NRXN3: variants seen among roughly 807,000 people sequenced by gnomAD.
The protein encoded by NRXN3 is neurexin III.
In NRXN3, 32 loss-of-function variants were observed where a neutral mutation model predicts 137.6. The observed-to-expected ratio is 0.23, with a 90% CI of 0.18 to 0.31. The LOEUF (loss-of-function observed/expected upper bound fraction) is 0.31, where lower values mean the gene tolerates loss of function less well. Ranked by LOEUF, NRXN3 falls within the 10% of genes least tolerant of loss-of-function variation. NRXN3 has a pLI of 1.00. For synonymous variants in NRXN3, 798 were observed against 784.5 expected (o/e 1.02, Z -0.29); for missense variants, 1,574 against 2,062.5 (o/e 0.76, Z 4.59).
intron 4 of NRXN3, among the ~76,000 whole-genome samples, chr14:78,507,609 G>A (rs759265166): frequency 2.0e-5 from 3 of 152,222 alleles, no homozygotes; most frequent in South Asian, 2.1e-4. Context: ...ACCCTTCCAC[G>A]TCCTTAAAGT....
chr14:78,707,728 C>T (rs1007955825), intron 6 of NRXN3, among the ~76,000 whole-genome samples: 1 of 152,110 alleles, frequency 6.6e-6, no homozygotes, highest in Non-Finnish European at 1.5e-5. Flanking sequence ...CCCTCAAGTC[C>T]CCAAAGTCCA....
Position 78,923,932 on chromosome 14 carries a change from G to A in NRXN3, c.2276-33310G>A, listed in dbSNP as rs535438122. On this transcript the variant is annotated intron_variant, in intron 10 of 20. Transcript: ENST00000335750. Reference sequence around the variant, plus strand: ...TATATTTCTGTAAGGTTATTCTAAGGTATTTTTTGAGATTCCTTATTAAGA... The same window carrying A: ...TATATTTCTGTAAGGTTATTCTAAGATATTTTTTGAGATTCCTTATTAAGA... Among the ~76,000 whole-genome samples, 32 of 152,198 alleles carry A rather than the reference G, an allele frequency of 2.1e-4. 1 individual carries two copies. The South Asian group carries it at 6.0e-3, about 29-fold the overall frequency.
chr14:78,736,283 T>G (rs1471510626), intron 8 of NRXN3, among the ~76,000 whole-genome samples: 2 of 152,154 alleles, frequency 1.3e-5, no homozygotes, highest in African/African-American at 2.4e-5. Flanking sequence ...GGCAAGATGG[T>G]GTGATGGATA....
intron 4 of NRXN3, among the ~76,000 whole-genome samples, chr14:78,324,825 A>T (rs534787781): frequency 2.6e-5 from 4 of 151,978 alleles, no homozygotes; most frequent in Non-Finnish European, 5.9e-5. Context: ...TGGCTGGGAG[A>T]TGGGAGTGAA....
chr14:79,310,923 AT>A (rs2087147232), intron 15 of NRXN3, among the ~76,000 whole-genome samples: 1 of 95,708 alleles, frequency 1.0e-5, no homozygotes, highest in African/African-American at 5.1e-5. Flanking sequence ...AATACCCTTT[AT>A]TTCCTTCTCC....
chr14:78,682,413 A>C (rs549177789), intron 6 of NRXN3, among the ~76,000 whole-genome samples: 12 of 143,594 alleles, frequency 8.4e-5, no homozygotes, highest in African/African-American at 3.2e-4. Context: ...TTTTTTTTTG[A>C]GGAAATAAAA....
intron 4 of NRXN3, among the ~76,000 whole-genome samples, chr14:78,329,334 T>C (rs1180656917): frequency 1.3e-5 from 2 of 152,126 alleles, no homozygotes; most frequent in Non-Finnish European, 2.9e-5. Flanking sequence ...AGGGGGAAGC[T>C]TGGGGACCTG....
At chr14:79,308,899 T>TA (rs2086650425) in intron 15 of NRXN3, among the ~76,000 whole-genome samples, 2 of 145,360 alleles carry the variant, frequency 1.4e-5, no homozygotes, top group Non-Finnish European at 3.0e-5. Context: ...TATTTTTTTT[T>TA]ATTTTATTTA....
intron 2 of NRXN3, among the ~76,000 whole-genome samples, chr14:78,267,152 C>G (rs1292787458): frequency 6.6e-6 from 1 of 152,206 alleles, no homozygotes; most frequent in Admixed American, 6.5e-5. Flanking sequence ...TTAGTATGTG[C>G]TGAGCATGGT....
At chr14:78,674,342 G>A (rs967503215) in intron 6 of NRXN3, among the ~76,000 whole-genome samples, 14 of 152,112 alleles carry the variant, frequency 9.2e-5, no homozygotes, top group African/African-American at 3.4e-4. Context: ...CAAATAATGG[G>A]GGACCTTTCT....
At chr14:79,837,803 G>T (rs1307304288) in intron 20 of NRXN3, among the ~76,000 whole-genome samples, 1 of 152,160 alleles carries the variant, frequency 6.6e-6, no homozygotes, top group Non-Finnish European at 1.5e-5. Context: ...CATGAAGGCT[G>T]TTTAGGAGCT....
At chr14:79,595,682 C>T (rs148723970) in intron 16 of NRXN3, among the ~76,000 whole-genome samples, 238 of 152,014 alleles carry the variant, frequency 1.6e-3, no homozygotes, top group African/African-American at 5.2e-3. Context: ...CTTCATATCA[C>T]GATATAAATT....
intron 4 of NRXN3, among the ~76,000 whole-genome samples, chr14:78,601,742 C>G (rs1174825408): frequency 6.6e-6 from 1 of 152,216 alleles, no homozygotes; most frequent in Admixed American, 6.5e-5. Flanking sequence ...GTGTGAGCCA[C>G]TGTGCCTGGC....
intron 15 of NRXN3, among the ~76,000 whole-genome samples, chr14:79,036,616 T>G (rs1457380194): frequency 6.0e-5 from 4 of 66,212 alleles, no homozygotes; most frequent in South Asian, 5.6e-4. Flanking sequence ...TTTTTTTTTT[T>G]TTTTTTTTTT....
intron 8 of NRXN3, among the ~76,000 whole-genome samples, chr14:78,792,257 C>CAAAAAAAAAAAAAAAAAAAAAAAAA (rs140968788): frequency 5.1e-5 from 1 of 19,456 alleles, no homozygotes; most frequent in African/African-American, 2.8e-4. Flanking sequence ...AGACTAAAGG[C>CAAAAAAAAAAAAAAAAAAAAAAAAA]AAAAAAAAAA....
chr14:78,625,316 T>C (rs7153070), intron 4 of NRXN3, among the ~76,000 whole-genome samples: 2,926 of 152,332 alleles, frequency 0.019, 104 homozygotes, highest in East Asian at 0.18. Flanking sequence ...CCATGGGACT[T>C]GCTTCTCTCC....
At chr14:78,523,878 T>TACTCA (rs957470214) in intron 4 of NRXN3, among the ~76,000 whole-genome samples, 2 of 142,464 alleles carry the variant, frequency 1.4e-5, no homozygotes, top group African/African-American at 5.3e-5. Flanking sequence ...TAGTTCAGAC[T>TACTCA]ACTCAAGTCT....
At position 78,571,694 on chromosome 14, in the gene NRXN3, T is replaced by G. The variant is rs543081372; in HGVS notation, c.758-73426T>G. Among the ~76,000 whole-genome samples the G allele has an allele frequency of 3.3e-5, 5 of 152,104 alleles. No individual in the cohort carries two copies. The South Asian group carries it at 8.3e-4, about 25-fold the overall frequency. On this transcript the variant is annotated intron_variant, in intron 4 of 20. Coordinates refer to ENST00000335750, the MANE Select transcript of NRXN3 (RefSeq NM_001330195.2). ...GGGAAAAATCTCACATGCTTTTACC[T>G]ACACACACACACATTCACGCAACAC...
chr14:79,107,257 T>C (rs1396372499), intron 15 of NRXN3, among the ~76,000 whole-genome samples: 1 of 152,134 alleles, frequency 6.6e-6, no homozygotes, highest in Non-Finnish European at 1.5e-5. Context: ...ACACACCTAC[T>C]TCCTAAAGCC....
Sources: gnomAD v4.1 joint callset for allele counts (sites outside exome capture counted in the v4.1 genomes callset) on GRCh38, gnomAD v4.1.1 for gene constraint, MANE v1.5 for transcripts, NCBI Gene and HGNC (gene_info 2026-07-23, HGNC 2026-07-21) for gene names.